The following ANXA4 variants were observed in gnomAD, a reference collection of about 807,000 sequenced individuals.
The protein encoded by ANXA4 is annexin A4.
In ANXA4, 39 loss-of-function variants were observed where a neutral mutation model predicts 49.8. The observed-to-expected ratio is 0.78, with a 90% CI of 0.61 to 1.02. The LOEUF (loss-of-function observed/expected upper bound fraction) is 1.02, where lower values mean the gene tolerates loss of function less well. Ranked by LOEUF, ANXA4 falls within the 50% of genes least tolerant of loss-of-function variation. The pLI, the probability that ANXA4 is intolerant of heterozygous loss-of-function variation, is 0.00. For missense variants in ANXA4, 360 were observed against 410.1 expected (o/e 0.88, Z 1.05); for synonymous variants, 134 against 152.5 (o/e 0.88, Z 0.89).
At chr2:69,745,093 G>T (rs1326968090) in intron 1 of ANXA4, among the ~76,000 whole-genome samples, 5 of 151,964 alleles carry the variant, frequency 3.3e-5, no homozygotes, top group Non-Finnish European at 7.4e-5. Context: ...GTGAGATCCT[G>T]TCTCTAAATA....
chr2:69,757,264 ATATTTTTTTTTTTT>A (rs1315614614), intron 1 of ANXA4, among the ~76,000 whole-genome samples: 360 of 28,000 alleles, frequency 0.013, 3 homozygotes, highest in African/African-American at 0.059. Flanking sequence ...ATATATATAT[ATATTTTTTTTTTTT>A]TTTTTTTTTT....
intron 2 of ANXA4, among the ~76,000 whole-genome samples, chr2:69,683,123 C>T (rs982924874): frequency 1.3e-5 from 2 of 152,076 alleles, no homozygotes; most frequent in Admixed American, 1.3e-4. Context: ...AAATAATTTC[C>T]AAGAAGTATA....
intron 1 of ANXA4, among the ~76,000 whole-genome samples, chr2:69,746,431 C>T (rs868254211): frequency 1.2e-4 from 18 of 152,142 alleles, no homozygotes; most frequent in Middle Eastern, 3.2e-3. Context: ...ATGTAGAGCT[C>T]CAACTAAAGG....
intron 2 of ANXA4, among the ~76,000 whole-genome samples, chr2:69,669,091 C>T (rs1677056774): frequency 6.6e-6 from 1 of 151,650 alleles, no homozygotes; most frequent in African/African-American, 2.4e-5. Flanking sequence ...TGTGTGCCAC[C>T]ACGCCGGCTA....
rs1272024394 is a variant in ANXA4 at position 69,825,440 on chromosome 2, C to T, written c.907-16C>T. The T allele has an allele frequency of 6.3e-7, 1 of 1,597,370 alleles. No individual in the cohort carries two copies. Among genetic ancestry groups the T allele is most frequent in the Admixed American group, 1.7e-5 (1 of 57,358 alleles). ...TTTAAAATCTATTTATCTAACTTTGCTTCCCTATCGAACAGGGTGACACAT... is the reference window on the plus strand; with the variant it reads ...TTTAAAATCTATTTATCTAACTTTGTTTCCCTATCGAACAGGGTGACACAT... On this transcript the variant is annotated splice_polypyrimidine_tract_variant and intron_variant, in intron 12 of 12. Transcript: ENST00000394295.
At chr2:69,651,435 C>T (rs1676226600) in intron 1 of ANXA4, among the ~76,000 whole-genome samples, 1 of 152,208 alleles carries the variant, frequency 6.6e-6, no homozygotes, top group Admixed American at 6.5e-5. Flanking sequence ...TTACTGCCAG[C>T]TCTTCCTTTT....
intron 3 of ANXA4, among the ~76,000 whole-genome samples, chr2:69,801,405 T>C (rs1156938491): frequency 2.0e-5 from 3 of 150,768 alleles, no homozygotes. Flanking sequence ...TGTTTTTTGT[T>C]TTTTTTTTCT....
At chr2:69,798,535 C>T (rs1673044242) in intron 3 of ANXA4, among the ~76,000 whole-genome samples, 1 of 152,184 alleles carries the variant, frequency 6.6e-6, no homozygotes, top group South Asian at 2.1e-4. Flanking sequence ...TGCTCCAGGA[C>T]CTATTCCAGC....
chr2:69,786,245 T>A (rs1672409362), intron 2 of ANXA4, among the ~76,000 whole-genome samples: 1 of 152,218 alleles, frequency 6.6e-6, no homozygotes, highest in South Asian at 2.1e-4. Context: ...GATTCTTTTC[T>A]TTCCTCACCT....
At chr2:69,819,098 T>C (rs1674123197) in intron 10 of ANXA4, among the ~76,000 whole-genome samples, 182 bp from the exon 11 acceptor site, 1 of 152,228 alleles carries the variant, frequency 6.6e-6, no homozygotes. Flanking sequence ...AAATTGAGGG[T>C]ACTTTCTATC....
chr2:69,815,034 A>C (rs1251526069), intron 8 of ANXA4: 2 of 152,286 alleles, frequency 1.3e-5, no homozygotes, highest in Non-Finnish European at 2.9e-5. Flanking sequence ...AGGCAGGAGG[A>C]GTCCCTCTCA....
chr2:69,767,050 T>C lies in ANXA4; in HGVS notation c.-46-14470T>C, dbSNP rs377066983. ...TGATCTGAAACAGGGAAAATCAACC[T>C]TGAGTGATCAAAAGAAGGGTTGTGC... On this transcript the variant is annotated intron_variant, in intron 1 of 12. Transcript: ENST00000394295. Among the ~76,000 whole-genome samples, 207 of 152,304 alleles carry C rather than the reference T, an allele frequency of 1.4e-3. 6 individuals are homozygous for C. In the South Asian group the frequency reaches 0.038, roughly 28 times the overall value.
chr2:69,820,837 C>T lies in ANXA4; in HGVS notation c.906+16C>T. On this transcript the variant is annotated intron_variant, in intron 12 of 12. Transcript: ENST00000394295. ...GTTCATCAAGGTAGGTCACAGCAGCCTAAGTCCAGAGTAAAGGATCCAGAA... is the reference window on the plus strand; with the variant it reads ...GTTCATCAAGGTAGGTCACAGCAGCTTAAGTCCAGAGTAAAGGATCCAGAA... 6.2e-7 allele frequency: 1 copy of T among 1,613,048 alleles called. No individual in the cohort carries two copies. The highest frequency in any genetic ancestry group is 1.1e-5 in the South Asian group (1 of 90,880).
At chr2:69,733,614 A>G (rs534670787) in intron 3 of ANXA4, among the ~76,000 whole-genome samples, 3 of 119,340 alleles carry the variant, frequency 2.5e-5, no homozygotes, top group Non-Finnish European at 4.7e-5. Context: ...CCTGTCTTAG[A>G]AAAAAAAAAA....
intron 1 of ANXA4, among the ~76,000 whole-genome samples, chr2:69,752,619 T>C (rs188849299): frequency 6.6e-6 from 1 of 152,316 alleles, no homozygotes; most frequent in East Asian, 1.9e-4. Context: ...TCACACCTTA[T>C]TATATCTGAT....
chr2:69,810,010 G>A (rs1235611380), intron 6 of ANXA4: 3 of 153,342 alleles, frequency 2.0e-5, no homozygotes, highest in African/African-American at 4.8e-5. Context: ...TGGGTGGCAG[G>A]AAGCACAGAG....
At chr2:69,789,017 A>G (rs999630255) in intron 3 of ANXA4, among the ~76,000 whole-genome samples, 5 of 152,202 alleles carry the variant, frequency 3.3e-5, no homozygotes, top group Admixed American at 2.6e-4. Context: ...TATACTCATT[A>G]TGGATTTCCC....
chr2:69,798,208 T>A (rs547218176), intron 3 of ANXA4, among the ~76,000 whole-genome samples: 1 of 152,182 alleles, frequency 6.6e-6, no homozygotes, highest in East Asian at 1.9e-4. Flanking sequence ...GTCTTTGAGA[T>A]CTGGATCATG....
At chr2:69,786,059 C>A (rs4852334) in intron 2 of ANXA4, among the ~76,000 whole-genome samples, 16,294 of 152,192 alleles carry the variant, frequency 0.11, 1,697 homozygotes, top group Admixed American at 0.23. Context: ...AACCAATTGT[C>A]TTTTTGACAA....
Sources: allele counts gnomAD v4.1 joint callset (sites outside exome capture counted in the v4.1 genomes callset), GRCh38; gene constraint gnomAD v4.1.1; transcripts MANE v1.5; gene names NCBI Gene and HGNC (gene_info 2026-07-23, HGNC 2026-07-21).